PDE4D: variants seen among roughly 807,000 people sequenced by gnomAD.
PDE4D encodes phosphodiesterase 4D.
PDE4D carries 24 observed loss-of-function variants against 87.4 expected under a neutral mutation model. That is an observed-to-expected ratio of 0.27 (90% CI 0.20 to 0.39). PDE4D has a LOEUF of 0.39. Ranked by LOEUF, PDE4D falls within the 10% of genes least tolerant of loss-of-function variation. PDE4D has a pLI of 1.00. For missense variants in PDE4D, 714 were observed against 1,041.0 expected (o/e 0.69, Z 4.32); for synonymous variants, 384 against 383.2 (o/e 1.00, Z -0.02).
intron 1 of PDE4D, among the ~76,000 whole-genome samples, chr5:59,856,399 G>A (rs886789090): frequency 4.6e-5 from 7 of 152,264 alleles, no homozygotes; most frequent in African/African-American, 1.7e-4. Context: ...AATTATTTCT[G>A]TAGGTGCATG....
chr5:59,925,906 T>C (rs183175994), intron 3 of PDE4D, among the ~76,000 whole-genome samples: 8 of 152,194 alleles, frequency 5.3e-5, no homozygotes, highest in Non-Finnish European at 4.4e-5. Flanking sequence ...TAGACCCCAA[T>C]ACAATAATAG....
chr5:60,140,202 C>A (rs545322937), intron 2 of PDE4D, among the ~76,000 whole-genome samples: 98 of 151,930 alleles, frequency 6.5e-4, no homozygotes, highest in African/African-American at 2.0e-3. Flanking sequence ...CATATTATAT[C>A]CATGAACTAT....
At chr5:59,250,408 G>A (rs910541409) in intron 1 of PDE4D, among the ~76,000 whole-genome samples, 6 of 150,594 alleles carry the variant, frequency 4.0e-5, no homozygotes, top group South Asian at 2.1e-4. Context: ...TGGGAGTATC[G>A]CTTAAGCATG....
At chr5:59,368,951 G>T (rs1212582833) in intron 1 of PDE4D, among the ~76,000 whole-genome samples, 1 of 152,196 alleles carries the variant, frequency 6.6e-6, no homozygotes, top group African/African-American at 2.4e-5. Flanking sequence ...ACCAAAGGAT[G>T]GGTTGGGGTG....
intron 1 of PDE4D, among the ~76,000 whole-genome samples, chr5:59,567,547 T>C (rs1424529141): frequency 6.6e-6 from 1 of 152,210 alleles, no homozygotes. Flanking sequence ...TAAAGTTGAC[T>C]ATATCAATTT....
At chr5:60,232,594 A>G (rs138866464) in intron 1 of PDE4D, among the ~76,000 whole-genome samples, 1 of 152,014 alleles carries the variant, frequency 6.6e-6, no homozygotes, top group African/African-American at 2.4e-5. Context: ...GAAAAAGGCT[A>G]TAGATGTTTC....
In PDE4D at chr5:60,046,666, C is replaced by T. The variant is rs1330460470; in HGVS notation, c.43-57949G>A. On this transcript the variant is annotated intron_variant, in intron 2 of 16. Coordinates refer to the PDE4D transcript ENST00000502484. ...TTGGTTCTGTTTATATGCTGGATTA[C>T]ATTTATTGATTTGCGTATATTGAAC... Among the ~76,000 whole-genome samples, 7 of 152,106 alleles carry T rather than the reference C, an allele frequency of 4.6e-5. No homozygotes were observed. The South Asian group carries it at 1.0e-3, about 23-fold the overall frequency.
At chr5:59,322,987 G>A (rs1481120121) in intron 1 of PDE4D, among the ~76,000 whole-genome samples, 4 of 152,112 alleles carry the variant, frequency 2.6e-5, no homozygotes, top group African/African-American at 9.7e-5. Flanking sequence ...AATGCACCTT[G>A]CAATAATAGA....
chr5:60,039,538 A>C (rs1215633588), intron 2 of PDE4D, among the ~76,000 whole-genome samples: 2 of 152,104 alleles, frequency 1.3e-5, no homozygotes, highest in East Asian at 3.9e-4. Flanking sequence ...ATACACATGT[A>C]ACTAACCTGC....
At chr5:60,382,745 T>C (rs1460885091) in intron 1 of PDE4D, among the ~76,000 whole-genome samples, 1 of 152,188 alleles carries the variant, frequency 6.6e-6, no homozygotes. Context: ...TTCTTAGCCC[T>C]ACTCTTTTGT....
At chr5:60,354,538 A>C (rs1759452512) in intron 1 of PDE4D, among the ~76,000 whole-genome samples, 1 of 152,212 alleles carries the variant, frequency 6.6e-6, no homozygotes, top group African/African-American at 2.4e-5. Flanking sequence ...TCCTCAGTCA[A>C]TTCCCAGGCT....
At chr5:60,306,898 G>A (rs1754546642) in intron 1 of PDE4D, among the ~76,000 whole-genome samples, 1 of 152,026 alleles carries the variant, frequency 6.6e-6, no homozygotes, top group South Asian at 2.1e-4. Context: ...TGTATAAGAA[G>A]TAAGTTATTT....
intron 1 of PDE4D, among the ~76,000 whole-genome samples, chr5:59,526,882 T>G (rs574843967): frequency 6.6e-6 from 1 of 152,316 alleles, no homozygotes; most frequent in South Asian, 2.1e-4. Flanking sequence ...AGCCTTGGCC[T>G]CCCAAAGTGC....
intron 1 of PDE4D, among the ~76,000 whole-genome samples, chr5:59,218,213 A>G (rs1751697850): frequency 6.6e-6 from 1 of 152,140 alleles, no homozygotes; most frequent in South Asian, 2.1e-4. Flanking sequence ...CTTTAATATC[A>G]AGATATTCTT....
At chr5:59,802,396 CTTTT>C (rs60356253) in intron 1 of PDE4D, among the ~76,000 whole-genome samples, 293 of 110,380 alleles carry the variant, frequency 2.7e-3, no homozygotes, top group African/African-American at 0.01. Context: ...CTTCCATATT[CTTTT>C]TTTTTTTTTT....
intron 1 of PDE4D, among the ~76,000 whole-genome samples, chr5:59,510,932 G>A (rs1251607082): frequency 4.0e-5 from 6 of 151,802 alleles, no homozygotes; most frequent in African/African-American, 4.8e-5. Flanking sequence ...TCCAAGTACC[G>A]GTGATCGTAA....
chr5:60,009,587 T>C (rs1447168869), intron 2 of PDE4D, among the ~76,000 whole-genome samples: 1 of 152,048 alleles, frequency 6.6e-6, no homozygotes, highest in African/African-American at 2.4e-5. Context: ...AGATAGAATG[T>C]GTTAAAATCA....
intron 2 of PDE4D, among the ~76,000 whole-genome samples, chr5:60,086,251 A>G (rs1278537864): frequency 6.6e-6 from 1 of 152,210 alleles, no homozygotes; most frequent in Non-Finnish European, 1.5e-5. Flanking sequence ...GATTGAATAT[A>G]TGGAAGCTTT....
intron 2 of PDE4D, among the ~76,000 whole-genome samples, chr5:60,016,502 G>T (rs1048653916): frequency 6.6e-6 from 1 of 152,196 alleles, no homozygotes; most frequent in African/African-American, 2.4e-5. Flanking sequence ...TCTGTAGCAT[G>T]TGGTGCTGTT....
Sources: gnomAD v4.1 joint callset for allele counts (sites outside exome capture counted in the v4.1 genomes callset) on GRCh38, gnomAD v4.1.1 for gene constraint, MANE v1.5 for transcripts, NCBI Gene and HGNC (gene_info 2026-07-23, HGNC 2026-07-21) for gene names.